Variants in NSMCE2 observed in about 807,000 individuals in gnomAD.
The protein encoded by NSMCE2 is NSE2 SUMO ligase component of SMC5/6 complex.
A neutral mutation model predicts 23.8 loss-of-function variants in NSMCE2; 24 were observed. The observed-to-expected ratio is 1.01, with a 90% CI of 0.73 to 1.42. NSMCE2 has a LOEUF of 1.42. Among genes scored for constraint, NSMCE2 ranks in the 40% most tolerant of loss-of-function variants. The pLI is 0.00. For missense variants in NSMCE2, 284 were observed against 296.5 expected (o/e 0.96, Z 0.31); for synonymous variants, 92 against 94.1 (o/e 0.98, Z 0.13).
intron 5 of NSMCE2, among the ~76,000 whole-genome samples, chr8:125,267,043 C>CA (rs1409660471): frequency 8.8e-6 from 1 of 113,566 alleles, no homozygotes; most frequent in African/African-American, 3.4e-5. Flanking sequence ...CTTGCTCTGT[C>CA]TCCCAGGCAG....
At chr8:125,244,635 T>C (rs1311261295) in intron 5 of NSMCE2, among the ~76,000 whole-genome samples, 3 of 152,104 alleles carry the variant, frequency 2.0e-5, no homozygotes, top group African/African-American at 7.2e-5. Context: ...ACTAAAAAAT[T>C]TGGGGTGCTA....
rs1563782609 is a variant in NSMCE2 at position 125,320,246 on chromosome 8, AGGG to A, written c.419-36972_419-36970del. Among the ~76,000 whole-genome samples the A allele has an allele frequency of 2.0e-3, 56 of 27,890 alleles. 2 individuals are homozygous for A. Among genetic ancestry groups the A allele is most frequent in the Middle Eastern group, 0.019 (1 of 52 alleles). 18.3% of individuals were successfully genotyped at this position (27,890 alleles called of 152,430 possible). ...AGGGAGGGAGGGAAGGGAGGGAGGGAGGGAGGGAAGGAAGGAAGGAAGGAAGGA... is the reference window on the plus strand; with the variant it reads ...AGGGAGGGAGGGAAGGGAGGGAGGGAAGGGAAGGAAGGAAGGAAGGAAGGA... On this transcript the variant is annotated intron_variant, in intron 5 of 7. Transcript: ENST00000287437.
At chr8:125,339,078 C>A (rs1211853380) in intron 5 of NSMCE2, among the ~76,000 whole-genome samples, 2 of 152,286 alleles carry the variant, frequency 1.3e-5, no homozygotes, top group East Asian at 3.9e-4. Context: ...GGAGAGGATA[C>A]ATTTTAAAAA....
intron 5 of NSMCE2, among the ~76,000 whole-genome samples, chr8:125,318,791 C>T (rs1222302522): frequency 1.3e-5 from 2 of 152,130 alleles, no homozygotes; most frequent in Non-Finnish European, 1.5e-5. Context: ...ATGCTTGTTC[C>T]AGCTTACTAT....
chr8:125,350,758 C>T (rs1320801346), intron 5 of NSMCE2, among the ~76,000 whole-genome samples: 1 of 152,172 alleles, frequency 6.6e-6, no homozygotes, highest in African/African-American at 2.4e-5. Context: ...GATTCAGTTG[C>T]CTCTCATTGG....
intron 5 of NSMCE2, among the ~76,000 whole-genome samples, chr8:125,199,340 C>T (rs1207034070): frequency 6.6e-6 from 1 of 152,222 alleles, no homozygotes; most frequent in Non-Finnish European, 1.5e-5. Context: ...TTCCTCTGCA[C>T]ACTACTTTAA....
At chr8:125,309,414 C>T (rs189702944) in intron 5 of NSMCE2, among the ~76,000 whole-genome samples, 2 of 152,088 alleles carry the variant, frequency 1.3e-5, no homozygotes, top group East Asian at 3.9e-4. Flanking sequence ...ATCATTGAGT[C>T]ACTTTACCAT....
chr8:125,231,945 A>T (rs1346145132), intron 5 of NSMCE2, among the ~76,000 whole-genome samples: 2 of 152,222 alleles, frequency 1.3e-5, no homozygotes, highest in Non-Finnish European at 2.9e-5. Flanking sequence ...CTGAATAAAT[A>T]AATTAATTAA....
At chr8:125,099,104 T>C (rs1400827108) in intron 1 of NSMCE2, among the ~76,000 whole-genome samples, 1 of 152,048 alleles carries the variant, frequency 6.6e-6, no homozygotes, top group Non-Finnish European at 1.5e-5. Context: ...AATACAGCAG[T>C]GAACAAAACA....
At chr8:125,233,929 C>T (rs188336691) in intron 5 of NSMCE2, among the ~76,000 whole-genome samples, 1 of 150,468 alleles carries the variant, frequency 6.6e-6, no homozygotes, top group Admixed American at 6.6e-5. Context: ...GTAATCCCAG[C>T]ACTTTGGGAG....
chr8:125,308,463 T>C (rs1229634421), intron 5 of NSMCE2, among the ~76,000 whole-genome samples: 1 of 152,198 alleles, frequency 6.6e-6, no homozygotes, highest in Non-Finnish European at 1.5e-5. Flanking sequence ...GCTGTTCTGG[T>C]TACTACCAGC....
At chr8:125,125,050 C>T (rs1439103621) in intron 3 of NSMCE2, among the ~76,000 whole-genome samples, 2 of 152,084 alleles carry the variant, frequency 1.3e-5, no homozygotes, top group African/African-American at 4.8e-5. Flanking sequence ...CTGCCTCAGC[C>T]TCCCAAAGTG....
intron 3 of NSMCE2, among the ~76,000 whole-genome samples, chr8:125,147,425 T>G (rs1173637029): frequency 6.6e-6 from 1 of 152,144 alleles, no homozygotes; most frequent in Non-Finnish European, 1.5e-5. Flanking sequence ...TGTCCTCAAA[T>G]GGATTAAAAT....
At chr8:125,286,564 C>T (rs1054380298) in intron 5 of NSMCE2, among the ~76,000 whole-genome samples, 17 of 152,200 alleles carry the variant, frequency 1.1e-4, no homozygotes, top group South Asian at 2.1e-4. Context: ...GCTCCTGCCT[C>T]GGCCTCCCAA....
chr8:125,154,516 A>C (rs1821208173), intron 4 of NSMCE2, among the ~76,000 whole-genome samples: 1 of 151,702 alleles, frequency 6.6e-6, no homozygotes, highest in South Asian at 2.1e-4. Context: ...AAAGTTAAAA[A>C]AAAAAAAAAA....
At chr8:125,200,937 T>G (rs144059176) in intron 5 of NSMCE2, among the ~76,000 whole-genome samples, 2,333 of 152,324 alleles carry the variant, frequency 0.015, 40 homozygotes, top group Admixed American at 0.048. Flanking sequence ...ATCACTGATA[T>G]CATTTCTTCC....
chr8:125,151,152 C>A lies in NSMCE2; in HGVS notation c.158-19C>A. ...CATTTTAAATGGAAAATAATAATTG[C>A]AATTTTTTTTTCTTTCAGCTGAAGT... On this transcript the variant is annotated intron_variant, in intron 3 of 7. Transcript: ENST00000287437. 3 of 1,364,462 alleles carry A rather than the reference C, an allele frequency of 2.2e-6. No individual in the cohort carries two copies. Among genetic ancestry groups the A allele is most frequent in the Non-Finnish European group, 1.0e-6 (1 of 961,772 alleles). 84.5% of individuals were successfully genotyped at this position (1,364,462 alleles called of 1,614,324 possible).
intron 5 of NSMCE2, among the ~76,000 whole-genome samples, chr8:125,217,359 A>AT (rs72476060): frequency 1.3e-5 from 2 of 150,312 alleles, no homozygotes; most frequent in African/African-American, 5.0e-5. Flanking sequence ...TTATTTATTT[A>AT]TTTTTTATTT....
intron 5 of NSMCE2, among the ~76,000 whole-genome samples, chr8:125,351,899 G>A (rs1813052375): frequency 6.6e-6 from 1 of 152,088 alleles, no homozygotes; most frequent in Admixed American, 6.5e-5. Flanking sequence ...TGTAATCCCA[G>A]CTACTTGGGA....
Sources: gnomAD v4.1 joint callset for allele counts (sites outside exome capture counted in the v4.1 genomes callset) on GRCh38, gnomAD v4.1.1 for gene constraint, MANE v1.5 for transcripts, NCBI Gene and HGNC (gene_info 2026-07-23, HGNC 2026-07-21) for gene names.